MAGI2: variants seen among roughly 807,000 people sequenced by gnomAD.
The protein encoded by MAGI2 is membrane associated guanylate kinase, WW and PDZ domain containing 2.
Under a neutral mutation model 133.3 loss-of-function variants are expected in MAGI2, and 35 were observed. The observed-to-expected ratio is 0.26, with a 90% CI of 0.20 to 0.35. The LOEUF is 0.35. MAGI2 is among the 10% of genes least tolerant of loss of function. The pLI is 1.00. For missense variants in MAGI2, 1,636 were observed against 1,863.4 expected (o/e 0.88, Z 2.25); for synonymous variants, 729 against 710.6 (o/e 1.03, Z -0.41).
At chr7:78,547,404 G>T (rs1010420364) in intron 3 of MAGI2, among the ~76,000 whole-genome samples, 1 of 152,240 alleles carries the variant, frequency 6.6e-6, no homozygotes, top group Non-Finnish European at 1.5e-5. Flanking sequence ...AATATGGCAG[G>T]TTCGCTGAGT....
chr7:78,123,552 A>C (rs188244410), intron 20 of MAGI2, among the ~76,000 whole-genome samples: 1 of 152,320 alleles, frequency 6.6e-6, no homozygotes, highest in East Asian at 1.9e-4. Flanking sequence ...CGATACCATG[A>C]TAGTCAATCT....
intron 6 of MAGI2, among the ~76,000 whole-genome samples, chr7:78,461,123 C>T (rs973464864): frequency 6.6e-6 from 1 of 152,086 alleles, no homozygotes; most frequent in Non-Finnish European, 1.5e-5. Context: ...CATCTTTCTG[C>T]CCATATTTCA....
intron 10 of MAGI2, among the ~76,000 whole-genome samples, chr7:78,228,835 C>T (rs956307861): frequency 5.9e-5 from 9 of 152,162 alleles, no homozygotes; most frequent in Admixed American, 3.9e-4. Context: ...TAGCTGAGGC[C>T]GTTGTTACCT....
chr7:78,336,330 C>T (rs990194778), intron 9 of MAGI2, among the ~76,000 whole-genome samples: 3 of 152,186 alleles, frequency 2.0e-5, no homozygotes, highest in Non-Finnish European at 4.4e-5. Context: ...CAAAGTTAAT[C>T]TTGTGCCCTT....
intron 10 of MAGI2, among the ~76,000 whole-genome samples, chr7:78,212,496 G>A (rs1787867050): frequency 6.6e-6 from 1 of 152,166 alleles, no homozygotes. Context: ...ATGGGGTGCT[G>A]GAGGCCTCTG....
At chr7:78,505,816 A>T (rs973209452) in intron 4 of MAGI2, among the ~76,000 whole-genome samples, 1 of 152,218 alleles carries the variant, frequency 6.6e-6, no homozygotes, top group African/African-American at 2.4e-5. Flanking sequence ...CTAATCTCAT[A>T]TAAAGAGTCA....
At chr7:78,026,196 T>C (rs1477162729) in intron 21 of MAGI2, 2 of 152,314 alleles carry the variant, frequency 1.3e-5, no homozygotes, top group African/African-American at 2.4e-5. Flanking sequence ...AAAAGATGTA[T>C]GGTTTCTCAA....
intron 3 of MAGI2, among the ~76,000 whole-genome samples, chr7:78,622,878 T>C (rs1259278522): frequency 6.6e-6 from 1 of 152,016 alleles, no homozygotes; most frequent in East Asian, 1.9e-4. Context: ...AAGTCTTATA[T>C]GGAAGTCAGC....
At chr7:78,521,276 A>C (rs1353758153) in intron 4 of MAGI2, among the ~76,000 whole-genome samples, 154 bp downstream of exon 4, 1 of 152,132 alleles carries the variant, frequency 6.6e-6, no homozygotes, top group Non-Finnish European at 1.5e-5. Flanking sequence ...TAATTATAAT[A>C]ATTACACGTG....
chr7:78,078,634 T>C, intron 21 of MAGI2: 1 of 491,500 alleles, frequency 2.0e-6, no homozygotes, highest in South Asian at 3.4e-5. Context: ...ATTGTAACAG[T>C]TCTAATATTT....
intron 6 of MAGI2, among the ~76,000 whole-genome samples, chr7:78,398,470 T>C (rs1273738333): frequency 6.6e-6 from 1 of 152,140 alleles, no homozygotes; most frequent in Non-Finnish European, 1.5e-5. Context: ...GGCCTTAATG[T>C]TCCCCTCAGC....
At chr7:78,823,720 GAA>G (rs1790372718) in intron 2 of MAGI2, among the ~76,000 whole-genome samples, 1 of 152,042 alleles carries the variant, frequency 6.6e-6, no homozygotes, top group Non-Finnish European at 1.5e-5. Flanking sequence ...GGTATCAAGA[GAA>G]AAAGAAATAT....
At chr7:78,069,544 G>A (rs1207337257) in intron 21 of MAGI2, among the ~76,000 whole-genome samples, 1 of 74,926 alleles carries the variant, frequency 1.3e-5, no homozygotes, top group African/African-American at 4.1e-5. Context: ...AGAGAGGAGA[G>A]AGAGAGAGAG....
intron 1 of MAGI2, among the ~76,000 whole-genome samples, chr7:79,202,469 AT>A (rs1828697968): frequency 6.6e-6 from 1 of 152,076 alleles, no homozygotes; most frequent in Admixed American, 6.5e-5. Flanking sequence ...AGCATAAGGT[AT>A]ATAACTGAAA....
intron 20 of MAGI2, among the ~76,000 whole-genome samples, chr7:78,090,125 A>G (rs915222320): frequency 1.3e-5 from 2 of 152,078 alleles, no homozygotes; most frequent in Non-Finnish European, 2.9e-5. Context: ...CCATTCTTCA[A>G]GGCTCTGCTC....
chr7:78,294,294 A>T (rs1797014124), intron 9 of MAGI2, among the ~76,000 whole-genome samples: 1 of 152,168 alleles, frequency 6.6e-6, no homozygotes, highest in Non-Finnish European at 1.5e-5. Flanking sequence ...AAATAATCTG[A>T]TTTTTAGTGT....
chr7:79,019,545 T>C (rs1426316589), intron 1 of MAGI2, among the ~76,000 whole-genome samples: 1 of 151,584 alleles, frequency 6.6e-6, no homozygotes, highest in Admixed American at 6.6e-5. Context: ...CTGTTTTTCT[T>C]TTTTTCTTTC....
intron 6 of MAGI2, among the ~76,000 whole-genome samples, chr7:78,454,722 G>C (rs1255978282): frequency 6.6e-6 from 1 of 152,112 alleles, no homozygotes; most frequent in Non-Finnish European, 1.5e-5. Flanking sequence ...CCACAGAATA[G>C]AACATTATTT....
At chr7:78,502,175 A>T (rs1387659410) in intron 4 of MAGI2, among the ~76,000 whole-genome samples, 2 of 152,152 alleles carry the variant, frequency 1.3e-5, no homozygotes, top group African/African-American at 4.8e-5. Flanking sequence ...AGATGGGGAG[A>T]TTATCTTTGA....
Sources: allele counts gnomAD v4.1 joint callset (sites outside exome capture counted in the v4.1 genomes callset), GRCh38; gene constraint gnomAD v4.1.1; transcripts MANE v1.5; gene names NCBI Gene and HGNC (gene_info 2026-07-23, HGNC 2026-07-21).